The following LRP1B variants were observed in gnomAD, a reference collection of about 807,000 sequenced individuals.
The protein encoded by LRP1B is LDL receptor related protein 1B, also known as low-density lipoprotein receptor-related protein 1B.
LRP1B carries 217 observed loss-of-function variants against 556.6 expected under a neutral mutation model. The ratio of observed to expected loss-of-function variants is 0.39; its 90% CI spans 0.35 to 0.44. LRP1B has a LOEUF of 0.44. Ranked by LOEUF, LRP1B falls within the 20% of genes least tolerant of loss-of-function variation. The probability of loss-of-function intolerance (pLI) is 1.00; values close to 1 mark genes in which losing one functional copy is unlikely to be tolerated. For missense variants in LRP1B, 5,053 were observed against 5,620.8 expected (o/e 0.90, Z 3.23); for synonymous variants, 2,047 against 1,865.8 (o/e 1.10, Z -2.50).
chr2:140,326,249 T>C (rs1680469769), intron 79 of LRP1B, among the ~76,000 whole-genome samples: 1 of 152,176 alleles, frequency 6.6e-6, no homozygotes, highest in Non-Finnish European at 1.5e-5. Context: ...AATTCATTAT[T>C]TAAATCATTT....
rs2105086474 is a variant in LRP1B at position 140,335,699 on chromosome 2, C to T, written c.12032G>A (p.Gly4011Glu). Reference protein sequence around the residue: ...WTSLRYSINVGQLNGPNCTRL... With the variant: ...WTSLRYSINVEQLNGPNCTRL... Reference sequence around the variant, plus strand: ...GGTGCAGTTGGGGCCATTCAGCTGCCCTACGTTGATAGAGTACCTCAGACT... The same window carrying T: ...GGTGCAGTTGGGGCCATTCAGCTGCTCTACGTTGATAGAGTACCTCAGACT... The change falls in exon 78 of 91, where the codon GGG becomes GAG. Residue 4011 changes from glycine to glutamate, a missense_variant. By Grantham distance (98) the Gly-to-Glu change is moderately conservative (BLOSUM62 -2). Coordinates refer to ENST00000389484, the MANE Select transcript of LRP1B (RefSeq NM_018557.3). The T allele has an allele frequency of 6.2e-7, 1 of 1,612,300 alleles. No homozygotes were observed. The highest frequency in any genetic ancestry group is 8.5e-7 in the Non-Finnish European group (1 of 1,178,706).
At chr2:141,471,152 C>A (rs1197474590) in intron 3 of LRP1B, among the ~76,000 whole-genome samples, 3 of 151,998 alleles carry the variant, frequency 2.0e-5, no homozygotes, top group Non-Finnish European at 4.4e-5. Flanking sequence ...TATATATTTT[C>A]TAAGAATAAA....
At chr2:141,240,855 GCT>G (rs945586426) in intron 5 of LRP1B, among the ~76,000 whole-genome samples, 15 of 151,992 alleles carry the variant, frequency 9.9e-5, no homozygotes, top group Non-Finnish European at 1.6e-4. Context: ...TGGAAGACAT[GCT>G]TTTTTTCCAT....
chr2:141,447,957 G>A (rs980313636), intron 3 of LRP1B, among the ~76,000 whole-genome samples: 4 of 152,316 alleles, frequency 2.6e-5, no homozygotes, highest in East Asian at 1.9e-4. Flanking sequence ...TGGGAGATCC[G>A]CTGCTGTCTT....
chr2:141,212,025 T>G (rs2105254360), intron 6 of LRP1B, among the ~76,000 whole-genome samples: 1 of 152,252 alleles, frequency 6.6e-6, no homozygotes, highest in South Asian at 2.1e-4. Context: ...GATAAGAAGC[T>G]TTTAAGTATA....
At chr2:141,611,532 A>T (rs1380684606) in intron 2 of LRP1B, among the ~76,000 whole-genome samples, 1 of 152,144 alleles carries the variant, frequency 6.6e-6, no homozygotes. Context: ...AAATGCTATT[A>T]CTCTGCAGCT....
intron 3 of LRP1B, among the ~76,000 whole-genome samples, chr2:141,331,359 A>T (rs1456484087): frequency 6.6e-6 from 1 of 152,194 alleles, no homozygotes; most frequent in African/African-American, 2.4e-5. Flanking sequence ...CTTCTTGCTC[A>T]ATTCAATTCT....
chr2:141,856,007 T>C (rs1024686563), intron 1 of LRP1B, among the ~76,000 whole-genome samples: 4 of 152,172 alleles, frequency 2.6e-5, no homozygotes, highest in Non-Finnish European at 2.9e-5. Context: ...CCAGTTGTCT[T>C]AACTGAGTGT....
intron 3 of LRP1B, among the ~76,000 whole-genome samples, chr2:141,265,630 T>G (rs1273416792): frequency 6.6e-6 from 1 of 152,216 alleles, no homozygotes; most frequent in Non-Finnish European, 1.5e-5. Context: ...AAAATTGCTA[T>G]GTTTCTTCCA....
intron 7 of LRP1B, among the ~76,000 whole-genome samples, chr2:141,068,661 A>T (rs1369433747): frequency 6.6e-6 from 1 of 151,812 alleles, no homozygotes; most frequent in African/African-American, 2.4e-5. Flanking sequence ...CACCCATGCA[A>T]GTTTACAGTT....
chr2:142,119,459 T>C (rs758534928), intron 1 of LRP1B, among the ~76,000 whole-genome samples: 1 of 152,160 alleles, frequency 6.6e-6, no homozygotes, highest in Non-Finnish European at 1.5e-5. Flanking sequence ...GCTGGTACTC[T>C]GAAATGCAGA....
intron 2 of LRP1B, among the ~76,000 whole-genome samples, chr2:141,789,616 A>C (rs1695544883): frequency 6.6e-6 from 1 of 151,930 alleles, no homozygotes; most frequent in Non-Finnish European, 1.5e-5. Context: ...AAAAAAATTC[A>C]TATGGAACAG....
chr2:141,526,995 T>C (rs1321829088), intron 2 of LRP1B, among the ~76,000 whole-genome samples: 2 of 152,084 alleles, frequency 1.3e-5, no homozygotes, highest in Non-Finnish European at 2.9e-5. Flanking sequence ...AGACTGACAG[T>C]GAATTATAGA....
intron 3 of LRP1B, among the ~76,000 whole-genome samples, chr2:141,358,020 T>C (rs1197502247): frequency 1.3e-5 from 2 of 152,196 alleles, no homozygotes; most frequent in Non-Finnish European, 2.9e-5. Flanking sequence ...ATATAGAGAA[T>C]ACTTCAGTGA....
At chr2:140,669,045 A>C (rs1325033528) in intron 41 of LRP1B, among the ~76,000 whole-genome samples, 1 of 152,182 alleles carries the variant, frequency 6.6e-6, no homozygotes, top group East Asian at 1.9e-4. Context: ...CAGGGTTTCT[A>C]AGAGTCTGAA....
chr2:140,909,312 A>G lies in LRP1B; in HGVS notation c.3320-1235T>C, dbSNP rs530661609. On this transcript the variant is annotated intron_variant, in intron 21 of 90. Coordinates refer to ENST00000389484, the MANE Select transcript of LRP1B (RefSeq NM_018557.3). Reference sequence around the variant, plus strand: ...AAATACAAGGGAAATGGAAAATATTACATTGTATATATCCAAAAGTCATTA... The same window carrying G: ...AAATACAAGGGAAATGGAAAATATTGCATTGTATATATCCAAAAGTCATTA... Among the ~76,000 whole-genome samples, 10 of 152,276 alleles carry G rather than the reference A, an allele frequency of 6.6e-5. No homozygotes were observed. In the South Asian group the frequency reaches 2.1e-3, roughly 32 times the overall value.
intron 5 of LRP1B, among the ~76,000 whole-genome samples, chr2:141,242,484 T>C (rs939428841): frequency 1.3e-5 from 2 of 152,122 alleles, no homozygotes; most frequent in African/African-American, 2.4e-5. Context: ...CCTTCAATTA[T>C]ACAGGGACTA....
At chr2:141,149,395 T>G (rs752415019) in intron 7 of LRP1B, among the ~76,000 whole-genome samples, 1 of 152,166 alleles carries the variant, frequency 6.6e-6, no homozygotes, top group Non-Finnish European at 1.5e-5. Flanking sequence ...ATTAACATTT[T>G]GCTAGCCTAA....
chr2:141,264,615 C>G lies in LRP1B; in HGVS notation c.344-9974G>C, dbSNP rs574905608. Among the ~76,000 whole-genome samples the G allele has an allele frequency of 1.6e-3, 237 of 152,044 alleles. 1 individual carries two copies. Among genetic ancestry groups the G allele is most frequent in the African/African-American group, 5.2e-3 (216 of 41,502 alleles). ...GACCACAAGTGCCCGCCATCACACC[C>G]GGATAAATTTTGTATTTTTAGTAGA... On this transcript the variant is annotated intron_variant, in intron 3 of 90. Coordinates refer to ENST00000389484, the MANE Select transcript of LRP1B (RefSeq NM_018557.3).
Sources: allele counts gnomAD v4.1 joint callset (sites outside exome capture counted in the v4.1 genomes callset), GRCh38; gene constraint gnomAD v4.1.1; transcripts MANE v1.5; gene names NCBI Gene and HGNC (gene_info 2026-07-23, HGNC 2026-07-21).